The following AKT3 variants were observed in gnomAD, a reference collection of about 807,000 sequenced individuals.
AKT3 encodes AKT serine/threonine kinase 3.
In AKT3, 15 loss-of-function variants were observed where a neutral mutation model predicts 65.3. The ratio of observed to expected loss-of-function variants is 0.23; its 90% CI spans 0.15 to 0.35. The LOEUF is 0.35. Ranked by LOEUF, AKT3 falls within the 10% of genes least tolerant of loss-of-function variation. The pLI is 1.00. For synonymous variants in AKT3, 206 were observed against 183.8 expected (o/e 1.12, Z -0.98); for missense variants, 243 against 576.5 (o/e 0.42, Z 5.92).
At chr1:243,764,214 AAC>A (rs1406741342) in intron 2 of AKT3, among the ~76,000 whole-genome samples, 11 of 152,148 alleles carry the variant, frequency 7.2e-5, no homozygotes, top group African/African-American at 2.7e-4. Flanking sequence ...CTATTTTAAT[AAC>A]AGATATAAAA....
chr1:243,727,815 G>A (rs1687306368), intron 2 of AKT3, among the ~76,000 whole-genome samples: 1 of 152,020 alleles, frequency 6.6e-6, no homozygotes, highest in African/African-American at 2.4e-5. Flanking sequence ...TAACTATTTT[G>A]TAAGTATCAA....
At chr1:243,694,862 A>T (rs919890874) in intron 3 of AKT3, among the ~76,000 whole-genome samples, 3 of 151,988 alleles carry the variant, frequency 2.0e-5, no homozygotes, top group Non-Finnish European at 2.9e-5. Flanking sequence ...GTCTCGTTAA[A>T]GATTTTAGCT....
At chr1:243,650,601 G>T (rs1681233114) in intron 4 of AKT3, among the ~76,000 whole-genome samples, 1 of 152,006 alleles carries the variant, frequency 6.6e-6, no homozygotes, top group Admixed American at 6.6e-5. Flanking sequence ...TCAGTAAGGG[G>T]TCAGTTTCAG....
At chr1:243,732,667 A>G (rs1010090341) in intron 2 of AKT3, among the ~76,000 whole-genome samples, 1 of 152,202 alleles carries the variant, frequency 6.6e-6, no homozygotes, top group South Asian at 2.1e-4. Flanking sequence ...TGACACATCT[A>G]TTGTTATGTG....
In AKT3 at chr1:243,791,956, T is replaced by C. The variant is rs1351792156; in HGVS notation, c.46+51169A>G. Among the ~76,000 whole-genome samples the C allele has an allele frequency of 1.3e-5, 2 of 152,208 alleles. 1 individual carries two copies. Among genetic ancestry groups the C allele is most frequent in the African/African-American group, 4.8e-5 (2 of 41,450 alleles). ...GTTGTTTTAGCAAATTTAGTTAGGT[T>C]TATGAAGACCAAAAATTAACAGAAT... is the stretch of plus-strand genomic sequence containing the variant. On this transcript the variant is annotated intron_variant, in intron 2 of 13. Coordinates refer to ENST00000673466, the MANE Select transcript of AKT3 (RefSeq NM_005465.7).
At chr1:243,819,041 A>G (rs1482343792) in intron 2 of AKT3, among the ~76,000 whole-genome samples, 1 of 152,238 alleles carries the variant, frequency 6.6e-6, no homozygotes, top group Non-Finnish European at 1.5e-5. Flanking sequence ...TATCACCCTC[A>G]TGAGCCGATG....
chr1:243,697,676 A>G (rs1166238656), intron 2 of AKT3, among the ~76,000 whole-genome samples: 1 of 152,116 alleles, frequency 6.6e-6, no homozygotes, highest in Non-Finnish European at 1.5e-5. Flanking sequence ...ACATTTCATT[A>G]TACAATCACA....
chr1:243,630,174 A>G (rs190606581), intron 6 of AKT3, among the ~76,000 whole-genome samples: 1 of 152,384 alleles, frequency 6.6e-6, no homozygotes, highest in Non-Finnish European at 1.5e-5. Context: ...ACATGTCTTC[A>G]GACCAAAGAA....
intron 12 of AKT3, among the ~76,000 whole-genome samples, chr1:243,529,786 T>C (rs1373895750): frequency 6.6e-6 from 1 of 152,196 alleles, no homozygotes; most frequent in African/African-American, 2.4e-5. Flanking sequence ...CTTTTTCGGG[T>C]CCACATGGAT....
chr1:243,775,607 C>T (rs1690498636), intron 2 of AKT3, among the ~76,000 whole-genome samples: 1 of 152,056 alleles, frequency 6.6e-6, no homozygotes, highest in South Asian at 2.1e-4. Flanking sequence ...CTACCAAAAA[C>T]GAAAGAATAG....
intron 2 of AKT3, among the ~76,000 whole-genome samples, chr1:243,834,634 T>A (rs1373441727): frequency 6.6e-6 from 1 of 152,038 alleles, no homozygotes; most frequent in Non-Finnish European, 1.5e-5. Flanking sequence ...TAGGGTACTA[T>A]GCTTATTACC....
chr1:243,661,189 C>T (rs1682293689), intron 4 of AKT3, among the ~76,000 whole-genome samples: 1 of 152,100 alleles, frequency 6.6e-6, no homozygotes, highest in Non-Finnish European at 1.5e-5. Context: ...ACTTTCTTCA[C>T]AGAATTGGAA....
chr1:243,657,982 T>C (rs1681948219), intron 4 of AKT3, among the ~76,000 whole-genome samples: 1 of 151,834 alleles, frequency 6.6e-6, no homozygotes, highest in Non-Finnish European at 1.5e-5. Flanking sequence ...CAACTCAAAA[T>C]GGATCAAAGA....
At chr1:243,489,307 C>T (rs1003481079) in intron 13 of AKT3, among the ~76,000 whole-genome samples, 1 of 152,204 alleles carries the variant, frequency 6.6e-6, no homozygotes. Context: ...CCCAGAGAAG[C>T]GGAGCCATGG....
At chr1:243,738,662 G>A (rs1287623712) in intron 2 of AKT3, among the ~76,000 whole-genome samples, 1 of 152,080 alleles carries the variant, frequency 6.6e-6, no homozygotes, top group East Asian at 1.9e-4. Context: ...ACTCGTTGAG[G>A]ATGAACAGAT....
chr1:243,533,728 C>T (rs564657668), intron 12 of AKT3, among the ~76,000 whole-genome samples: 4 of 152,290 alleles, frequency 2.6e-5, no homozygotes, highest in East Asian at 1.9e-4. Flanking sequence ...CGGTGGCTCA[C>T]GCCTGTAATC....
intron 8 of AKT3, among the ~76,000 whole-genome samples, chr1:243,589,734 T>C (rs1168490608): frequency 6.6e-6 from 1 of 152,220 alleles, no homozygotes; most frequent in African/African-American, 2.4e-5. Flanking sequence ...TAGATATCTG[T>C]ACTCCCACAT....
At chr1:243,742,562 T>G (rs1291169883) in intron 2 of AKT3, among the ~76,000 whole-genome samples, 2 of 152,030 alleles carry the variant, frequency 1.3e-5, no homozygotes, top group African/African-American at 4.8e-5. Flanking sequence ...GAGGTGGAGG[T>G]TGCAGTGAGT....
intron 2 of AKT3, among the ~76,000 whole-genome samples, chr1:243,795,655 T>G (rs1691951104): frequency 6.6e-6 from 1 of 150,908 alleles, no homozygotes; most frequent in South Asian, 2.1e-4. Flanking sequence ...GTATTTTTAG[T>G]AGAGACGGGG....
Sources: allele counts gnomAD v4.1 joint callset (sites outside exome capture counted in the v4.1 genomes callset), GRCh38; gene constraint gnomAD v4.1.1; transcripts MANE v1.5; gene names NCBI Gene and HGNC (gene_info 2026-07-23, HGNC 2026-07-21).